PRKG1: variants seen among roughly 807,000 people sequenced by gnomAD.
PRKG1 encodes the protein cGMP-dependent protein kinase 1.
In PRKG1, 35 loss-of-function variants were observed where a neutral mutation model predicts 88.1. That is an observed-to-expected ratio of 0.40 (90% CI 0.30 to 0.53). The LOEUF is 0.53. Among genes scored for constraint, PRKG1 ranks in the 20% least tolerant of loss-of-function variants. The probability of loss-of-function intolerance (pLI) is 0.59; values close to 1 mark genes in which losing one functional copy is unlikely to be tolerated. For synonymous variants in PRKG1, 303 were observed against 292.5 expected (o/e 1.04, Z -0.37); for missense variants, 540 against 839.8 (o/e 0.64, Z 4.41).
At chr10:52,009,311 A>G (rs1338934976) in intron 5 of PRKG1, among the ~76,000 whole-genome samples, 1 of 152,158 alleles carries the variant, frequency 6.6e-6, no homozygotes, top group African/African-American at 2.4e-5. Context: ...TCTGAGGAAC[A>G]ACTTCAGTAA....
intron 3 of PRKG1, among the ~76,000 whole-genome samples, chr10:51,602,033 G>A (rs1225080801): frequency 6.6e-6 from 1 of 151,842 alleles, no homozygotes; most frequent in African/African-American, 2.4e-5. Flanking sequence ...CATGTCTCAT[G>A]TCTCTTCGGC....
chr10:51,305,438 G>A (rs1277186145), intron 2 of PRKG1, among the ~76,000 whole-genome samples: 1 of 152,176 alleles, frequency 6.6e-6, no homozygotes, highest in Non-Finnish European at 1.5e-5. Context: ...AGATGCATTT[G>A]TTAAAGGGCT....
intron 2 of PRKG1, among the ~76,000 whole-genome samples, chr10:51,327,908 T>C (rs923287701): frequency 2.0e-5 from 3 of 152,224 alleles, no homozygotes; most frequent in African/African-American, 7.2e-5. Context: ...TTGAAGTATA[T>C]ATACATTGTG....
chr10:51,977,133 C>T (rs901551361), intron 5 of PRKG1, among the ~76,000 whole-genome samples: 4 of 151,942 alleles, frequency 2.6e-5, no homozygotes, highest in Non-Finnish European at 5.9e-5. Flanking sequence ...CACAACTCTC[C>T]AATAGGCCCA....
intron 1 of PRKG1, among the ~76,000 whole-genome samples, chr10:51,016,669 C>CTTTTT (rs1323068893): frequency 8.8e-5 from 2 of 22,768 alleles, no homozygotes; most frequent in African/African-American, 2.1e-4. Context: ...TATTATTATC[C>CTTTTT]TTTCTTTTTT....
chr10:51,579,785 A>G (rs943642300), intron 3 of PRKG1, among the ~76,000 whole-genome samples: 1 of 152,058 alleles, frequency 6.6e-6, no homozygotes, highest in Non-Finnish European at 1.5e-5. Context: ...TCCTATGACT[A>G]TTAGCACTTA....
intron 3 of PRKG1, among the ~76,000 whole-genome samples, chr10:51,544,588 G>A (rs1017287387): frequency 3.9e-5 from 6 of 152,064 alleles, no homozygotes; most frequent in Admixed American, 6.6e-5. Flanking sequence ...GGATGGCTGG[G>A]TCAAATGGTA....
At chr10:51,013,238 T>C (rs758061548) in intron 1 of PRKG1, among the ~76,000 whole-genome samples, 1 of 152,136 alleles carries the variant, frequency 6.6e-6, no homozygotes, top group Non-Finnish European at 1.5e-5. Context: ...GAGAATTAAA[T>C]GAGATTATAG....
intron 4 of PRKG1, among the ~76,000 whole-genome samples, chr10:51,874,068 A>G (rs1841229856): frequency 6.6e-6 from 1 of 152,206 alleles, no homozygotes; most frequent in Non-Finnish European, 1.5e-5. Context: ...TGTATGGAAA[A>G]TTATTTGAGC....
At chr10:51,272,875 G>T (rs1840018084) in intron 2 of PRKG1, among the ~76,000 whole-genome samples, 1 of 152,130 alleles carries the variant, frequency 6.6e-6, no homozygotes, top group South Asian at 2.1e-4. Flanking sequence ...TCTTGGCTTT[G>T]CTCTGAGCCC....
At chr10:51,477,660 C>T (rs997735807) in intron 3 of PRKG1, among the ~76,000 whole-genome samples, 3 of 152,062 alleles carry the variant, frequency 2.0e-5, no homozygotes, top group Admixed American at 1.3e-4. Flanking sequence ...TAAACACTTA[C>T]TGTTCTGTAA....
At chr10:51,396,460 A>G (rs1288652996) in intron 2 of PRKG1, among the ~76,000 whole-genome samples, 1 of 152,178 alleles carries the variant, frequency 6.6e-6, no homozygotes, top group African/African-American at 2.4e-5. Context: ...TTTAGTACCC[A>G]AGTAAGTAAA....
At chr10:51,234,547 G>A (rs1838932865) in intron 2 of PRKG1, among the ~76,000 whole-genome samples, 1 of 152,040 alleles carries the variant, frequency 6.6e-6, no homozygotes, top group Admixed American at 6.6e-5. Flanking sequence ...TACCAAACAG[G>A]ATTTATCTCT....
intron 3 of PRKG1, among the ~76,000 whole-genome samples, chr10:51,711,096 T>C (rs559240814): frequency 7.0e-4 from 107 of 152,228 alleles, no homozygotes; most frequent in South Asian, 4.4e-3. Flanking sequence ...GAACTTTGCT[T>C]CCTAAGCTGA....
intron 4 of PRKG1, among the ~76,000 whole-genome samples, chr10:51,818,068 A>G (rs1839639032): frequency 6.6e-6 from 1 of 152,178 alleles, no homozygotes; most frequent in African/African-American, 2.4e-5. Flanking sequence ...GCCAGAATGT[A>G]GTAGCAAGGA....
At chr10:51,237,521 T>A (rs1333098098) in intron 2 of PRKG1, among the ~76,000 whole-genome samples, 1 of 152,142 alleles carries the variant, frequency 6.6e-6, no homozygotes, top group African/African-American at 2.4e-5. Context: ...AGTATGGAGC[T>A]CACTCCCAAA....
chr10:51,601,009 AAAG>A (rs1297397184), intron 3 of PRKG1, among the ~76,000 whole-genome samples: 1 of 150,120 alleles, frequency 6.7e-6, no homozygotes, highest in African/African-American at 2.4e-5. Flanking sequence ...GGGAGGGGGA[AAAG>A]AAGAAGGGAG....
intron 3 of PRKG1, among the ~76,000 whole-genome samples, chr10:51,616,194 G>C (rs912828955): frequency 5.3e-5 from 8 of 152,256 alleles, no homozygotes; most frequent in African/African-American, 1.9e-4. Flanking sequence ...GGCCCCACTG[G>C]TGGCAGTGAT....
intron 9 of PRKG1, among the ~76,000 whole-genome samples, chr10:52,216,546 C>T (rs370927817): frequency 2.0e-5 from 3 of 152,152 alleles, no homozygotes; most frequent in East Asian, 1.9e-4. Flanking sequence ...CCTATTTTCT[C>T]ATCTTTACCT....
Sources: gnomAD v4.1 joint callset for allele counts (sites outside exome capture counted in the v4.1 genomes callset) on GRCh38, gnomAD v4.1.1 for gene constraint, MANE v1.5 for transcripts, NCBI Gene and HGNC (gene_info 2026-07-23, HGNC 2026-07-21) for gene names.